Variants in KAZN observed in about 807,000 individuals in gnomAD.
KAZN encodes kazrin, periplakin interacting protein.
A neutral mutation model predicts 87.4 loss-of-function variants in KAZN; 40 were observed. The observed-to-expected ratio is 0.46, with a 90% CI of 0.36 to 0.60. The LOEUF (loss-of-function observed/expected upper bound fraction) is 0.60. KAZN is among the 20% of genes least tolerant of loss of function. KAZN has a pLI of 0.00. For synonymous variants in KAZN, 466 were observed against 458.3 expected, an observed-to-expected ratio of 1.02 and a Z score of -0.22; for missense variants, 898 against 1,073.9, an observed-to-expected ratio of 0.84 and a Z score of 2.29.
intron 2 of KAZN, among the ~76,000 whole-genome samples, chr1:14,433,458 T>TCA (rs1666199505): frequency 1.3e-5 from 2 of 152,210 alleles, no homozygotes; most frequent in Non-Finnish European, 2.9e-5. Flanking sequence ...AATGCACGTG[T>TCA]TGAAGCCCTG....
At chr1:14,831,815 G>A (rs1647056396) in intron 1 of KAZN, among the ~76,000 whole-genome samples, 1 of 152,094 alleles carries the variant, frequency 6.6e-6, no homozygotes. Context: ...TATCTTGCCT[G>A]GACGCCTCCT....
At chr1:14,448,439 G>C (rs1039207514) in intron 2 of KAZN, among the ~76,000 whole-genome samples, 1 of 152,240 alleles carries the variant, frequency 6.6e-6, no homozygotes, top group African/African-American at 2.4e-5. Flanking sequence ...TAACTGGAAG[G>C]TGTCCTCCAT....
chr1:14,793,768 G>A (rs958155785), intron 1 of KAZN, among the ~76,000 whole-genome samples: 1 of 151,208 alleles, frequency 6.6e-6, no homozygotes, highest in Non-Finnish European at 1.5e-5. Flanking sequence ...CTTTCCTTAC[G>A]CTCTGTGACT....
intron 1 of KAZN, among the ~76,000 whole-genome samples, chr1:14,707,304 A>G (rs1642260170): frequency 6.6e-6 from 1 of 152,184 alleles, no homozygotes; most frequent in African/African-American, 2.4e-5. Context: ...AATGCGTGAG[A>G]GGATAAAGGC....
chr1:14,554,694 G>T (rs1486759860), intron 2 of KAZN, among the ~76,000 whole-genome samples: 1 of 152,112 alleles, frequency 6.6e-6, no homozygotes, highest in African/African-American at 2.4e-5. Context: ...GATCTGTATT[G>T]GAGTCCATGT....
intron 2 of KAZN, among the ~76,000 whole-genome samples, chr1:14,274,375 T>C (rs1652187450): frequency 1.3e-5 from 2 of 152,204 alleles, no homozygotes; most frequent in South Asian, 4.1e-4. Context: ...TCCCTCCTGA[T>C]TCCACCATGT....
intron 2 of KAZN, among the ~76,000 whole-genome samples, chr1:14,410,786 G>A (rs1664242513): frequency 6.6e-6 from 1 of 152,142 alleles, no homozygotes; most frequent in South Asian, 2.1e-4. Flanking sequence ...AGAGTGGTGT[G>A]GCCAATAACC....
At chr1:14,579,821 A>C (rs552117628) in intron 2 of KAZN, among the ~76,000 whole-genome samples, 117 of 152,126 alleles carry the variant, frequency 7.7e-4, no homozygotes, top group African/African-American at 2.6e-3. Flanking sequence ...AATGCTTAGC[A>C]CTCCTGTGAA....
intron 2 of KAZN, among the ~76,000 whole-genome samples, chr1:14,389,334 C>T (rs893151815): frequency 6.6e-6 from 1 of 152,186 alleles, no homozygotes; most frequent in Non-Finnish European, 1.5e-5. Flanking sequence ...CTATATGATT[C>T]AGCAATCCCA....
At chr1:14,463,612 C>G (rs1372733015) in intron 2 of KAZN, among the ~76,000 whole-genome samples, 1 of 152,082 alleles carries the variant, frequency 6.6e-6, no homozygotes, top group Non-Finnish European at 1.5e-5. Flanking sequence ...TTTAATTATA[C>G]TCTCTCAAGA....
chr1:14,607,272 G>C (rs1326452562), intron 1 of KAZN, among the ~76,000 whole-genome samples: 2 of 152,162 alleles, frequency 1.3e-5, no homozygotes, highest in Admixed American at 1.3e-4. Context: ...ACCACCTTAT[G>C]AGGTAAGTAC....
At chr1:14,270,459 C>T (rs1369788448) in intron 2 of KAZN, among the ~76,000 whole-genome samples, 1 of 152,192 alleles carries the variant, frequency 6.6e-6, no homozygotes, top group Non-Finnish European at 1.5e-5. Context: ...GCTTTAGTTT[C>T]ACCCATTACA....
chr1:14,243,464 C>T (rs571458834), intron 2 of KAZN, among the ~76,000 whole-genome samples: 4 of 152,262 alleles, frequency 2.6e-5, no homozygotes, highest in Admixed American at 6.5e-5. Flanking sequence ...AGAACATAAA[C>T]GTGGCGATGG....
intron 2 of KAZN, among the ~76,000 whole-genome samples, chr1:14,463,026 C>T (rs1027360082): frequency 6.6e-6 from 1 of 152,094 alleles, no homozygotes; most frequent in Non-Finnish European, 1.5e-5. Context: ...GGCAGTGGGC[C>T]CAGGATTGGC....
At position 14,599,072 on chromosome 1, in the gene KAZN, C is replaced by T. The variant is rs1395761256; in HGVS notation, c.75C>T (p.Asn25=). 3 of 1,561,744 alleles carry T rather than the reference C, an allele frequency of 1.9e-6. No individual in the cohort carries two copies. The highest frequency in any genetic ancestry group is 1.2e-5 in the South Asian group (1 of 85,562). Residue 25 remains asparagine, a synonymous_variant, in exon 1 of 15, where the codon AAC becomes AAT. Transcript: ENST00000376030. The surrounding 1 kb of genome is among the most constrained non-coding windows in gnomAD (Gnocchi z 4.4). ...AGTCGGCCAGCCAGGAGGTGACCAA[C>T]CTGCGAGCCGAACTCACGGCCACCA... ...AVQSASQEVT[N]LRAELTATNR...
chr1:14,299,741 A>G (rs1262957592), intron 2 of KAZN, among the ~76,000 whole-genome samples: 1 of 152,182 alleles, frequency 6.6e-6, no homozygotes, highest in Non-Finnish European at 1.5e-5. Context: ...GATTAGCAGG[A>G]GTTCAAGAAG....
chr1:14,863,679 G>T (rs1327345460), intron 1 of KAZN, among the ~76,000 whole-genome samples: 1 of 152,206 alleles, frequency 6.6e-6, no homozygotes, highest in Non-Finnish European at 1.5e-5. Context: ...ATGGCTCTTG[G>T]TGTATATGTG....
rs1308230422 is a variant in KAZN at position 15,032,286 on chromosome 1, A to G, written c.419-2463A>G. 1.6e-4 allele frequency among the ~76,000 whole-genome samples: 23 copies of G among 140,848 alleles called. 1 individual carries two copies. The highest frequency in any genetic ancestry group is 1.3e-3 in the Admixed American group (17 of 12,838). The allele number at this position is 140,848 out of a possible 152,430, so 92.4% of individuals were successfully genotyped here. On this transcript the variant is annotated intron_variant, in intron 2 of 14. Transcript: ENST00000376030. ...TGGCTCACTGCAAGCTCTGCCTCCC[A>G]GGTTCACGCCATTCTCCTGCCTCAG...
rs537224582 is a variant in KAZN, at chr1:14,679,782, G to A, written c.226+80559G>A. Among the ~76,000 whole-genome samples, 12 of 152,194 alleles carry A rather than the reference G, an allele frequency of 7.9e-5. No homozygotes were observed. In the South Asian group the frequency reaches 1.7e-3, roughly 21 times the overall value. ...CATGCCCAAGGTCACTTGGCTAGTCGGATAGGCATCAGGTTTTGAACCCAG... is the reference window on the plus strand; with the variant it reads ...CATGCCCAAGGTCACTTGGCTAGTCAGATAGGCATCAGGTTTTGAACCCAG... On this transcript the variant is annotated intron_variant, in intron 1 of 14. Transcript: ENST00000376030.
Sources: gnomAD v4.1 joint callset for allele counts (sites outside exome capture counted in the v4.1 genomes callset) on GRCh38, gnomAD v4.1.1 for gene constraint, Gnocchi (gnomAD v3.1) non-coding constraint, MANE v1.5 for transcripts, NCBI Gene and HGNC (gene_info 2026-07-23, HGNC 2026-07-21) for gene names.